The following ECI1 variants were observed in gnomAD, a reference collection of about 807,000 sequenced individuals.
ECI1 encodes the protein enoyl-CoA delta isomerase 1.
A neutral mutation model predicts 34.2 loss-of-function variants in ECI1; 34 were observed. That is an observed-to-expected ratio of 1.00 (90% CI 0.76 to 1.33). The LOEUF is 1.33. Among genes scored for constraint, ECI1 ranks in the 40% most tolerant of loss-of-function variants. The pLI is 0.00. For missense variants in ECI1, 456 were observed against 422.2 expected (o/e 1.08, Z -0.70); for synonymous variants, 211 against 193.0 (o/e 1.09, Z -0.77).
chr16:2,240,304 C>T (rs1038140543), intron 6 of ECI1, among the ~76,000 whole-genome samples, 159 bp from the exon 7 acceptor site: 1 of 151,892 alleles, frequency 6.6e-6, no homozygotes, highest in Non-Finnish European at 1.5e-5. Flanking sequence ...CTCCGCCTCC[C>T]GAGTTCAAGT....
At chr16:2,244,807 G>A (rs903144439) in intron 3 of ECI1, among the ~76,000 whole-genome samples, 1 of 152,186 alleles carries the variant, frequency 6.6e-6, no homozygotes, top group Non-Finnish European at 1.5e-5. Flanking sequence ...GACAGGCAGC[G>A]CCAGGCACCT....
Position 2,251,545 on chromosome 16 carries a change from G to A in ECI1, c.22C>T (p.Arg8Ter), listed in dbSNP as rs749484668. The A allele has an allele frequency of 1.9e-6, 3 of 1,560,480 alleles. No individual in the cohort carries two copies. Among genetic ancestry groups the A allele is most frequent in the African/African-American group, 1.4e-5 (1 of 73,568 alleles). Residue 8 changes from arginine to a stop codon, truncating the protein, a stop_gained, in exon 1 of 7, where the codon CGA (arginine) becomes TGA (stop). Coordinates refer to ENST00000301729, the MANE Select transcript of ECI1 (RefSeq NM_001919.4). LOFTEE classifies it high-confidence loss of function. ...CGGAGCAGAACGCGCGCCGGGACTC[G>A]CACAGAAGCCACCAGCGCCATCTTG... MALVASV[R>*]VPARVLLRAG...
chr16:2,250,990 T>C (rs953729820), intron 2 of ECI1, among the ~76,000 whole-genome samples: 50 of 152,142 alleles, frequency 3.3e-4, no homozygotes, highest in Non-Finnish European at 2.2e-4. Context: ...TTTTTTCTTT[T>C]GTATTTTTCA....
chr16:2,248,895 TTC>T (rs751058700), intron 2 of ECI1, among the ~76,000 whole-genome samples: 56 of 152,152 alleles, frequency 3.7e-4, no homozygotes, highest in Non-Finnish European at 6.2e-4. Flanking sequence ...CCAGTCTGCG[TTC>T]TGTGTCTGCG....
chr16:2,244,495 G>A lies in ECI1; in HGVS notation c.352C>T (p.Pro118Ser). 2 of 1,608,078 alleles carry A rather than the reference G, an allele frequency of 1.2e-6. No homozygotes were observed. The highest frequency in any genetic ancestry group is 8.5e-7 in the Non-Finnish European group (1 of 1,177,956). Residue 118 changes from proline (P) to serine (S), a missense_variant, in exon 4 of 7, where the codon CCC (proline) becomes TCC (serine). Pro to Ser is a moderately conservative substitution (Grantham distance 74). Transcript: ENST00000301729. ...LDLTEMCGRS[P>S]AHYAGYWKAV... Reference sequence around the variant, plus strand: ...TTCCAGTACCCAGCGTAGTGGGCGGGGCTCCTCCCACACATCTCCGTCAGG... The same window carrying A: ...TTCCAGTACCCAGCGTAGTGGGCGGAGCTCCTCCCACACATCTCCGTCAGG...
chr16:2,244,015 C>A, intron 4 of ECI1: 1 of 351,096 alleles, frequency 2.8e-6, no homozygotes, highest in South Asian at 2.4e-5. Flanking sequence ...CCGCAGGACA[C>A]CCTGGTTCCT....
In ECI1 at chr16:2,247,026, C is replaced by T. The variant is rs1241617296; in HGVS notation, c.167-40G>A. 6 of 1,607,140 alleles carry T rather than the reference C, an allele frequency of 3.7e-6. No homozygotes were observed. The South Asian group carries it at 4.4e-5, about 12-fold the overall frequency. On this transcript the variant is annotated intron_variant, in intron 2 of 6. Coordinates refer to ENST00000301729, the MANE Select transcript of ECI1 (RefSeq NM_001919.4). ...GAGAAGAGAAAGCTCACACCTGGCA[C>T]TGGAAAAGCAGCCTGACCAGCCTGC...
rs2093541653 is a variant in ECI1 at position 2,246,915 on chromosome 16, T to C, written c.238A>G (p.Ile80Val). The change falls in exon 3 of 7, where the codon ATC becomes GTC. Residue 80 changes from isoleucine (I) to valine (V), a missense_variant. Ile to Val is a conservative substitution (Grantham distance 29, BLOSUM62 3). Transcript: ENST00000301729. ...LSLEFLTELV[I>V]SLEKLENDKS... ...TCATTCTCCAGCTTCTCCAGGCTGATGACCAGCTCCGTCAGAAACTCCAGG... is the reference window on the plus strand; with the variant it reads ...TCATTCTCCAGCTTCTCCAGGCTGACGACCAGCTCCGTCAGAAACTCCAGG... The C allele has an allele frequency of 1.2e-6, 2 of 1,613,882 alleles. No individual in the cohort carries two copies. Among genetic ancestry groups the C allele is most frequent in the African/African-American group, 1.3e-5 (1 of 75,042 alleles).
chr16:2,239,537 T>C lies in ECI1; in HGVS notation c.*442A>G, dbSNP rs2093522700. 1 of 271,810 alleles carries C rather than the reference T, an allele frequency of 3.7e-6. No individual in the cohort carries two copies. Among genetic ancestry groups the C allele is most frequent in the South Asian group, 4.0e-5 (1 of 25,202 alleles). 16.8% of individuals were successfully genotyped at this position (271,810 alleles called of 1,614,324 possible). On this transcript the variant is annotated 3_prime_UTR_variant, in exon 7 of 7. Transcript: ENST00000301729. ...CTGATTCACTGTGCGCTCTTCATCCTGATGAGTAAGGGCAGTGACCAAAGG... is the reference window on the plus strand; with the variant it reads ...CTGATTCACTGTGCGCTCTTCATCCCGATGAGTAAGGGCAGTGACCAAAGG...
rs756529820 is a variant in ECI1, at chr16:2,244,474, A to G, written c.373T>C (p.Trp125Arg). The G allele has an allele frequency of 3.7e-6, 6 of 1,611,670 alleles. No homozygotes were observed. The highest frequency in any genetic ancestry group is 5.1e-6 in the Non-Finnish European group (6 of 1,179,454). Residue 125 changes from tryptophan (W) to arginine (R), a missense_variant, in exon 4 of 7, where the codon TGG (tryptophan) becomes CGG (arginine). By Grantham distance (101) the Trp-to-Arg change is moderately radical (BLOSUM62 -3). Transcript: ENST00000301729. ...AGCCACAGCTCCTGAACGGCCTTCC[A>G]GTACCCAGCGTAGTGGGCGGGGCTC... ...GRSPAHYAGY[W>R]KAVQELWLRL...
In ECI1 at chr16:2,251,319, C is replaced by A. The variant is rs1405312616; in HGVS notation, c.163G>T (p.Ala55Ser). The change falls in exon 2 of 7, where the codon GCA becomes TCA. Residue 55 changes from alanine to serine, a missense_variant. Physicochemically the swap from Ala to Ser is moderately conservative, Grantham distance 99. Coordinates refer to ENST00000301729, the MANE Select transcript of ECI1 (RefSeq NM_001919.4). ...TCCCTCGGCGCCGCCCGCTCACCTG[C>A]GCCCGCGTCCGGCTCCACCAGCACC... ...QRVLVEPDAG[A>S]GVAVMKFKNP... 5.8e-6 allele frequency: 7 copies of A among 1,216,406 alleles called. No homozygotes were observed. The Admixed American group carries it at 1.5e-4, about 26-fold the overall frequency. 75.4% of individuals were successfully genotyped at this position (1,216,406 alleles called of 1,614,324 possible).
intron 6 of ECI1, among the ~76,000 whole-genome samples, chr16:2,242,005 G>A (rs1422490897): frequency 6.6e-6 from 1 of 151,978 alleles, no homozygotes; most frequent in African/African-American, 2.4e-5. Flanking sequence ...GACTACAGGC[G>A]CCCGCCGCCA....
intron 2 of ECI1, among the ~76,000 whole-genome samples, chr16:2,248,321 G>C (rs895285130): frequency 3.3e-5 from 5 of 151,974 alleles, no homozygotes; most frequent in African/African-American, 1.2e-4. Flanking sequence ...GGATGGTCTC[G>C]ATCTCTTGAC....
intron 4 of ECI1, chr16:2,244,099 G>A (rs915037605): frequency 1.3e-5 from 6 of 465,846 alleles, no homozygotes; most frequent in Non-Finnish European, 2.4e-5. Flanking sequence ...TTTCCAAAAT[G>A]TGGGTCCGAT....
Position 2,243,325 on chromosome 16 carries a change from G to A in ECI1, c.556C>T (p.Pro186Ser), listed in dbSNP as rs2093532650. The A allele has an allele frequency of 1.9e-6, 3 of 1,613,566 alleles. No homozygotes were observed. The African/African-American group carries it at 4.0e-5, about 22-fold the overall frequency. ...LNETQLGIIA[P>S]FWLKDTLENT... ...TGCAGCCCAGGGCCTTACCAGAAAG[G>A]GGCGATGATGCCCAGCTGGGTCTCA... The change falls in exon 5 of 7, where the codon CCT becomes TCT. Residue 186 changes from proline to serine, a missense_variant. Transcript: ENST00000301729.
chr16:2,245,820 G>A (rs1014463027), intron 3 of ECI1, among the ~76,000 whole-genome samples: 65 of 152,086 alleles, frequency 4.3e-4, no homozygotes, highest in Non-Finnish European at 1.6e-4. Context: ...CAAGACCAAC[G>A]TGGGCAATAA....
At chr16:2,250,234 GGCGACT>G (rs2093550043) in intron 2 of ECI1, among the ~76,000 whole-genome samples, 2 of 135,912 alleles carry the variant, frequency 1.5e-5, no homozygotes, top group Non-Finnish European at 3.1e-5. Context: ...ACTCCAGTCT[GGCGACT>G]GGAGAGCAAG....
chr16:2,243,177 C>T lies in ECI1; in HGVS notation c.611G>A (p.Arg204His), dbSNP rs745573709. The T allele has an allele frequency of 1.2e-5, 20 of 1,608,548 alleles. No homozygotes were observed. The highest frequency in any genetic ancestry group is 6.7e-5 in the East Asian group (3 of 44,870). ...GAAGAGCAGCCCCAGCTGCAGGGCA[C>T]GCTCCGCCGCCCGGTGCCCGATGGT... The part of the protein sequence containing the change: ...ENTIGHRAAE[R>H]ALQLGLLFPP... The change falls in exon 6 of 7, where the codon CGT becomes CAT. Residue 204 changes from arginine to histidine, a missense_variant. By Grantham distance (29) the Arg-to-His change is conservative. Transcript: ENST00000301729.
At position 2,244,407 on chromosome 16, in the gene ECI1, T is replaced by G. The variant is rs529477231; in HGVS notation, c.440A>C (p.Asn147Thr). 17 of 1,612,100 alleles carry G rather than the reference T, an allele frequency of 1.1e-5. No individual in the cohort carries two copies. The highest frequency in any genetic ancestry group is 1.4e-5 in the Non-Finnish European group (16 of 1,179,746). The stretch of plus-strand genomic sequence containing the variant: ...CCACCTGGGAGTGGGGACACTCACG[T>G]TGATGGCGGAGACCAGCACCAGGTT... The part of the protein sequence containing the change: ...QSNLVLVSAI[N>T]GACPAGGCLV... The change falls in exon 4 of 7, where the codon AAC becomes ACC. Residue 147 changes from asparagine to threonine, a missense_variant and splice_region_variant. Asn to Thr is a moderately conservative substitution (Grantham distance 65). Coordinates refer to ENST00000301729, the MANE Select transcript of ECI1 (RefSeq NM_001919.4).
Sources: allele counts gnomAD v4.1 joint callset (sites outside exome capture counted in the v4.1 genomes callset), GRCh38; gene constraint gnomAD v4.1.1; transcripts MANE v1.5; gene names NCBI Gene and HGNC (gene_info 2026-07-23, HGNC 2026-07-21).